Variants in C7orf78 observed in about 807,000 individuals in gnomAD.
C7orf78 encodes the protein putative uncharacterized protein C7orf78.
chr7:12,489,727 C>CA, the C7orf78 span, among the ~76,000 whole-genome samples: 1 of 152,040 alleles, frequency 6.6e-6, no homozygotes, highest in Non-Finnish European at 1.5e-5. Context: ...GACAAAAAAC[C>CA]ACAGGCAAAA....
chr7:12,520,939 C>T, the C7orf78 span, among the ~76,000 whole-genome samples: 4 of 152,064 alleles, frequency 2.6e-5, no homozygotes, highest in South Asian at 8.3e-4. Context: ...TATCTTCTTC[C>T]TTAATATACT....
the C7orf78 span, among the ~76,000 whole-genome samples, chr7:12,517,518 T>G: frequency 6.6e-6 from 1 of 152,186 alleles, no homozygotes; most frequent in Non-Finnish European, 1.5e-5. Context: ...TAACAAAAAT[T>G]CATATATCAT....
chr7:12,497,975 C>G, the C7orf78 span, among the ~76,000 whole-genome samples: 2 of 151,966 alleles, frequency 1.3e-5, no homozygotes, highest in Non-Finnish European at 2.9e-5. Flanking sequence ...CAGGGGCACA[C>G]TGACACCTCA....
At chr7:12,527,232 G>T in the C7orf78 span, among the ~76,000 whole-genome samples, 344 of 98,354 alleles carry the variant, frequency 3.5e-3, no homozygotes, top group Middle Eastern at 0.016. Context: ...CCACCTAGCT[G>T]TGTAATTCAA....
At chr7:12,484,360 T>A in the C7orf78 span, among the ~76,000 whole-genome samples, 19 of 152,188 alleles carry the variant, frequency 1.2e-4, no homozygotes. Flanking sequence ...GATCAAAACA[T>A]TTCTGCTTCT....
the C7orf78 span, among the ~76,000 whole-genome samples, chr7:12,497,841 A>G: frequency 1.3e-5 from 2 of 150,992 alleles, no homozygotes; most frequent in African/African-American, 4.9e-5. Flanking sequence ...CCTGTCTGAC[A>G]GCTTTGAAGA....
chr7:12,507,794 T>C, the C7orf78 span, among the ~76,000 whole-genome samples: 1 of 152,220 alleles, frequency 6.6e-6, no homozygotes, highest in African/African-American at 2.4e-5. Flanking sequence ...TATGTGTAAT[T>C]GCTAGTAGAA....
the C7orf78 span, among the ~76,000 whole-genome samples, chr7:12,499,829 A>G: frequency 2.1e-3 from 318 of 149,308 alleles, no homozygotes; most frequent in Admixed American, 3.6e-3. Context: ...CATACTTGGA[A>G]GTAAAGCTCT....
the C7orf78 span, among the ~76,000 whole-genome samples, chr7:12,489,457 A>C: frequency 2.0e-5 from 3 of 152,192 alleles, no homozygotes; most frequent in African/African-American, 7.2e-5. Flanking sequence ...AGTATTTGAA[A>C]ACTCAGTAGA....
At chr7:12,531,021 A>C in the C7orf78 span, 87,556 of 398,302 alleles carry the variant, frequency 0.22, 10,578 homozygotes, top group Middle Eastern at 0.26. Context: ...AGAGACATAG[A>C]AGGCAGCGTG....
the C7orf78 span, among the ~76,000 whole-genome samples, chr7:12,515,082 G>C: frequency 1.3e-5 from 2 of 152,082 alleles, no homozygotes; most frequent in East Asian, 3.9e-4. Flanking sequence ...ACAATGTGCT[G>C]TCTCCATTTG....
At chr7:12,522,352 T>A in the C7orf78 span, among the ~76,000 whole-genome samples, 3 of 152,128 alleles carry the variant, frequency 2.0e-5, no homozygotes, top group African/African-American at 7.2e-5. Context: ...AGTGTAATAA[T>A]GATTTCCATG....
the C7orf78 span, among the ~76,000 whole-genome samples, chr7:12,530,033 G>A: frequency 6.6e-6 from 1 of 152,222 alleles, no homozygotes; most frequent in Admixed American, 6.5e-5. Flanking sequence ...GTCTCGTGGA[G>A]AGATGCTTTC....
At chr7:12,497,253 T>C in the C7orf78 span, among the ~76,000 whole-genome samples, 1 of 152,212 alleles carries the variant, frequency 6.6e-6, no homozygotes, top group African/African-American at 2.4e-5. Flanking sequence ...AGCTCCGGTC[T>C]ACAGCTCCCA....
At chr7:12,491,967 C>T in the C7orf78 span, 9 of 152,166 alleles carry the variant, frequency 5.9e-5, no homozygotes, top group Non-Finnish European at 1.2e-4. Context: ...TTCCAACAAT[C>T]ATTTAGAAGA....
chr7:12,536,354 ACGT>A, the C7orf78 span, among the ~76,000 whole-genome samples: 1 of 152,166 alleles, frequency 6.6e-6, no homozygotes, highest in East Asian at 1.9e-4. Context: ...CCTGAGCTCT[ACGT>A]TGGCCTCTTC....
chr7:12,536,243 C>T, the C7orf78 span, among the ~76,000 whole-genome samples: 333 of 152,232 alleles, frequency 2.2e-3, 1 homozygote, highest in African/African-American at 5.7e-3. Flanking sequence ...GAAATCTAGT[C>T]GGAGGCTCCC....
chr7:12,487,965 A>G, the C7orf78 span, among the ~76,000 whole-genome samples: 6 of 151,988 alleles, frequency 3.9e-5, no homozygotes, highest in African/African-American at 1.4e-4. Context: ...TAATTTATAA[A>G]CATTATCCCA....
the C7orf78 span, among the ~76,000 whole-genome samples, chr7:12,535,708 C>G: frequency 8.4e-3 from 1,275 of 152,280 alleles, 17 homozygotes; most frequent in African/African-American, 0.03. Flanking sequence ...AAATCAAAAG[C>G]AAGTTAGTTA....
Sources: allele counts gnomAD v4.1 joint callset (sites outside exome capture counted in the v4.1 genomes callset), GRCh38; gene constraint gnomAD v4.1.1; transcripts MANE v1.5; gene names NCBI Gene and HGNC (gene_info 2026-07-23, HGNC 2026-07-21).